Variants in HEMK2 observed in about 807,000 individuals in gnomAD.
HEMK2 encodes the protein methyltransferase HEMK2.
the HEMK2 span, among the ~76,000 whole-genome samples, chr21:28,646,240 A>C: frequency 6.6e-6 from 1 of 152,206 alleles, no homozygotes; most frequent in African/African-American, 2.4e-5. Flanking sequence ...TCCTGCATCA[A>C]CCTGTCATCT....
At chr21:28,822,129 A>G in the HEMK2 span, among the ~76,000 whole-genome samples, 2 of 149,622 alleles carry the variant, frequency 1.3e-5, no homozygotes, top group Non-Finnish European at 3.0e-5. Flanking sequence ...CAGAATTCCA[A>G]TCACTAGTTT....
the HEMK2 span, among the ~76,000 whole-genome samples, chr21:28,746,825 G>A: frequency 1.3e-5 from 2 of 152,126 alleles, no homozygotes; most frequent in Non-Finnish European, 2.9e-5. Flanking sequence ...GGGAGAGGGT[G>A]GAAGAGGGAG....
chr21:28,612,696 G>A, the HEMK2 span, among the ~76,000 whole-genome samples: 1 of 152,084 alleles, frequency 6.6e-6, no homozygotes, highest in Admixed American at 6.6e-5. Context: ...AACCCCTCCA[G>A]AAAGCTCCCA....
the HEMK2 span, chr21:28,872,837 C>T: frequency 3.9e-5 from 6 of 152,106 alleles, no homozygotes; most frequent in Non-Finnish European, 7.3e-5. Flanking sequence ...TTATTTACGC[C>T]CTCAACAAAC....
chr21:28,757,484 G>A, the HEMK2 span, among the ~76,000 whole-genome samples: 1 of 152,148 alleles, frequency 6.6e-6, no homozygotes, highest in Admixed American at 6.5e-5. Flanking sequence ...CTGGCCAAAT[G>A]CAGCTGCATG....
the HEMK2 span, among the ~76,000 whole-genome samples, chr21:28,743,710 G>A: frequency 6.6e-6 from 1 of 152,198 alleles, no homozygotes; most frequent in African/African-American, 2.4e-5. Flanking sequence ...CTATTAGGAG[G>A]AGGAAAAAGT....
At chr21:28,697,778 C>CAAAAAAA in the HEMK2 span, among the ~76,000 whole-genome samples, 6,993 of 78,530 alleles carry the variant, frequency 0.089, 485 homozygotes, top group East Asian at 0.22. Context: ...ATCATGAGCC[C>CAAAAAAA]AAAAAAAAAA....
the HEMK2 span, among the ~76,000 whole-genome samples, chr21:28,847,106 T>C: frequency 1.3e-5 from 2 of 152,200 alleles, no homozygotes; most frequent in Non-Finnish European, 2.9e-5. Context: ...TATGTATGCA[T>C]GTATTTTTAA....
At chr21:28,608,953 C>G in the HEMK2 span, among the ~76,000 whole-genome samples, 5 of 152,176 alleles carry the variant, frequency 3.3e-5, no homozygotes, top group Non-Finnish European at 7.3e-5. Flanking sequence ...CCTGCTCCCA[C>G]CTGAACGTCC....
the HEMK2 span, among the ~76,000 whole-genome samples, chr21:28,762,611 A>G: frequency 6.6e-5 from 10 of 152,286 alleles, no homozygotes; most frequent in African/African-American, 1.9e-4. Flanking sequence ...ATGTGTTGGA[A>G]ACCTAATCTC....
chr21:28,880,572 G>A, the HEMK2 span, among the ~76,000 whole-genome samples: 3 of 151,968 alleles, frequency 2.0e-5, no homozygotes, highest in African/African-American at 4.8e-5. Flanking sequence ...ATGAAACCCA[G>A]TCTCTACTAA....
chr21:28,874,055 C>G, the HEMK2 span: 1 of 152,196 alleles, frequency 6.6e-6, no homozygotes, highest in African/African-American at 2.4e-5. Context: ...AGAACCTTGT[C>G]CCAGCCCTAC....
the HEMK2 span, among the ~76,000 whole-genome samples, chr21:28,681,685 A>G: frequency 6.6e-6 from 1 of 152,194 alleles, no homozygotes; most frequent in Non-Finnish European, 1.5e-5. Flanking sequence ...ACAGCATGGT[A>G]CTGGTACCAA....
the HEMK2 span, among the ~76,000 whole-genome samples, chr21:28,877,297 G>GAAGGAAGGAAGA: frequency 3.5e-4 from 44 of 126,576 alleles, 1 homozygote; most frequent in African/African-American, 1.3e-3. Flanking sequence ...AGGAAGGAAG[G>GAAGGAAGGAAGA]AAGAGAGAGA....
the HEMK2 span, among the ~76,000 whole-genome samples, chr21:28,698,452 C>T: frequency 7.0e-4 from 107 of 152,252 alleles, 4 homozygotes; most frequent in South Asian, 0.022. Context: ...ATTGTAATTA[C>T]TTGTATTACA....
the HEMK2 span, among the ~76,000 whole-genome samples, chr21:28,635,515 A>T: frequency 6.6e-6 from 1 of 152,236 alleles, no homozygotes; most frequent in African/African-American, 2.4e-5. Context: ...ACTAAAAATT[A>T]ACATGAGCTT....
the HEMK2 span, among the ~76,000 whole-genome samples, chr21:28,880,585 A>C: frequency 6.6e-6 from 1 of 152,214 alleles, no homozygotes. Context: ...TCTACTAAAA[A>C]TACAAAAACT....
At chr21:28,819,564 C>A in the HEMK2 span, among the ~76,000 whole-genome samples, 84 of 31,842 alleles carry the variant, frequency 2.6e-3, no homozygotes, top group African/African-American at 8.9e-3. Context: ...TTTTTTTTTT[C>A]AGACAGAGTC....
chr21:28,702,132 A>C, the HEMK2 span, among the ~76,000 whole-genome samples: 1 of 152,212 alleles, frequency 6.6e-6, no homozygotes, highest in East Asian at 1.9e-4. Context: ...AGCCATATGC[A>C]GAAGATTGAA....
Sources: gnomAD v4.1 joint callset for allele counts (sites outside exome capture counted in the v4.1 genomes callset) on GRCh38, gnomAD v4.1.1 for gene constraint, MANE v1.5 for transcripts, NCBI Gene and HGNC (gene_info 2026-07-23, HGNC 2026-07-21) for gene names.